ANKRD11: variants seen among roughly 807,000 people sequenced by gnomAD.
ANKRD11 encodes ankyrin repeat domain 11, also known as ankyrin repeat domain-containing protein 11.
A neutral mutation model predicts 195.7 loss-of-function variants in ANKRD11; 17 were observed. The observed-to-expected ratio is 0.09, with a 90% CI of 0.06 to 0.13. ANKRD11 has a LOEUF of 0.13. Ranked by LOEUF, ANKRD11 falls within the 10% of genes least tolerant of loss-of-function variation. ANKRD11 has a pLI of 1.00. For synonymous variants in ANKRD11, 1,953 were observed against 1,528.1 expected (o/e 1.28, Z -6.49); for missense variants, 3,735 against 3,566.1 (o/e 1.05, Z -1.21).
In ANKRD11 at chr16:89,283,000, G is replaced by T; in HGVS notation, c.3542C>A (p.Pro1181His). 6.2e-7 allele frequency: 1 copy of T among 1,613,452 alleles called. No individual in the cohort carries two copies. The highest frequency in any genetic ancestry group is 8.5e-7 in the Non-Finnish European group (1 of 1,179,962). ...QHPERQKDKEPRDRRKDRGAA... is the reference protein window; with the variant it reads ...QHPERQKDKEHRDRRKDRGAA... Reference sequence around the variant, plus strand: ...CCCTCGGTCCTTTCTCCTGTCTCTGGGCTCCTTGTCCTTCTGCCTCTCAGG... The same window carrying T: ...CCCTCGGTCCTTTCTCCTGTCTCTGTGCTCCTTGTCCTTCTGCCTCTCAGG... The change falls in exon 9 of 13, where the codon CCC becomes CAC. Residue 1181 changes from proline (P) to histidine (H), a missense_variant. Physicochemically the swap from Pro to His is moderately conservative, Grantham distance 77 (BLOSUM62 -2). Coordinates refer to ENST00000301030, the MANE Select transcript of ANKRD11 (RefSeq NM_013275.6).
chr16:89,386,722 T>A (rs1348947554), intron 2 of ANKRD11, among the ~76,000 whole-genome samples: 1 of 152,206 alleles, frequency 6.6e-6, no homozygotes, highest in Non-Finnish European at 1.5e-5. Flanking sequence ...TCAAGTTTTT[T>A]ATTAAAACCA....
intron 2 of ANKRD11, among the ~76,000 whole-genome samples, chr16:89,406,975 A>T (rs2041931386): frequency 6.6e-6 from 1 of 152,188 alleles, no homozygotes; most frequent in South Asian, 2.1e-4. Flanking sequence ...ACTTGAGGTC[A>T]GGAGTTTGAG....
chr16:89,478,854 G>A (rs2057345668), intron 1 of ANKRD11, among the ~76,000 whole-genome samples: 1 of 152,212 alleles, frequency 6.6e-6, no homozygotes, highest in African/African-American at 2.4e-5. Flanking sequence ...ATTTCTCAAG[G>A]ATGAGGTAAT....
chr16:89,324,125 A>C, intron 2 of ANKRD11: 1 of 783,144 alleles, frequency 1.3e-6, no homozygotes, highest in Non-Finnish European at 1.7e-6. Flanking sequence ...GCCCCACGGC[A>C]CAACGCTCTC....
intron 1 of ANKRD11, among the ~76,000 whole-genome samples, chr16:89,481,040 C>G (rs1310354685): frequency 6.6e-6 from 1 of 152,174 alleles, no homozygotes; most frequent in African/African-American, 2.4e-5. Context: ...TCTGCCCCAC[C>G]ACCCCGTTCC....
At chr16:89,277,662 A>G (rs996036725) in intron 9 of ANKRD11, 5 of 152,262 alleles carry the variant, frequency 3.3e-5, no homozygotes, top group Admixed American at 1.3e-4. Context: ...GGCTGGGGTC[A>G]GGCTCGCGGG....
In ANKRD11 at chr16:89,433,341, A is replaced by C. The variant is rs184461623; in HGVS notation, c.-144-14973T>G. 1.1e-4 allele frequency among the ~76,000 whole-genome samples: 17 copies of C among 152,362 alleles called. No homozygotes were observed. The East Asian group carries it at 3.3e-3, about 29-fold the overall frequency. On this transcript the variant is annotated intron_variant, in intron 1 of 12. Transcript: ENST00000301030. ...CAAGTTAATTAGTCCATTTCTAGGA[A>C]GAAAGTGTCCGTTGTCTCCTCTGCA...
In ANKRD11 at chr16:89,281,714, T is replaced by G; in HGVS notation, c.4828A>C (p.Lys1610Gln). Reference sequence around the variant, plus strand: ...GGGTCTCCGGACCGGTGCCTCAGCTTCTCCATTTGCTTCATCCTCTCCTTG... The same window carrying G: ...GGGTCTCCGGACCGGTGCCTCAGCTGCTCCATTTGCTTCATCCTCTCCTTG... ...RHKERMKQME[K>Q]LRHRSGDPKL... The change falls in exon 9 of 13, where the codon AAG becomes CAG. Residue 1610 changes from lysine to glutamine, a missense_variant. Transcript: ENST00000301030. This position sits in a 1 kb window ranked among gnomAD's most constrained non-coding sequence, Gnocchi z 5.5. 1 of 1,614,092 alleles carries G rather than the reference T, an allele frequency of 6.2e-7. No individual in the cohort carries two copies.
intron 1 of ANKRD11, among the ~76,000 whole-genome samples, chr16:89,469,395 T>C (rs544039798): frequency 4.0e-4 from 61 of 152,122 alleles, no homozygotes; most frequent in Non-Finnish European, 7.9e-4. Flanking sequence ...CTAATTTTTT[T>C]GCATTTCAGT....
In ANKRD11 at chr16:89,463,683, TA is replaced by T. The variant is rs1235213947; in HGVS notation, c.-145+26561del. Among the ~76,000 whole-genome samples the T allele has an allele frequency of 4.0e-3, 550 of 136,148 alleles. 1 individual carries two copies. Among genetic ancestry groups the T allele is most frequent in the East Asian group, 0.016 (75 of 4,830 alleles). The allele number at this position is 136,148 out of a possible 152,430, so 89.3% of individuals were successfully genotyped here. ...AATTATCAATAAAAAATAAATAAAT[TA>T]AAAAAAAAAAAAGCCTCACACTGGA... On this transcript the variant is annotated intron_variant, in intron 1 of 12. Transcript: ENST00000301030.
chr16:89,298,446 C>T (rs1361142656), intron 4 of ANKRD11: 5 of 152,356 alleles, frequency 3.3e-5, no homozygotes, highest in Admixed American at 3.3e-4. Flanking sequence ...CACAGCAGAG[C>T]TTTATGGATG....
chr16:89,341,653 T>A (rs1428656332), intron 2 of ANKRD11, among the ~76,000 whole-genome samples: 1 of 152,356 alleles, frequency 6.6e-6, no homozygotes, highest in East Asian at 1.9e-4. Context: ...CTGGGAGCAA[T>A]GCCACGTATG....
chr16:89,313,035 A>T (rs887576035), intron 3 of ANKRD11, among the ~76,000 whole-genome samples: 3 of 152,072 alleles, frequency 2.0e-5, no homozygotes, highest in Non-Finnish European at 4.4e-5. Context: ...TGCAGCCTCC[A>T]TGCCCATGGA....
chr16:89,432,974 CTCTCT>C (rs1567798460), intron 1 of ANKRD11, among the ~76,000 whole-genome samples: 19 of 149,002 alleles, frequency 1.3e-4, no homozygotes, highest in African/African-American at 4.8e-4. Context: ...CTCTCTCTCT[CTCTCT>C]CTCTCTCTCT....
chr16:89,325,413 G>A (rs1039462471), intron 2 of ANKRD11, among the ~76,000 whole-genome samples: 7 of 151,484 alleles, frequency 4.6e-5, no homozygotes, highest in South Asian at 4.2e-4. Flanking sequence ...ACTCCAGCCC[G>A]GGCGTCAGAG....
In ANKRD11 at chr16:89,465,930, T is replaced by C. The variant is rs538736317; in HGVS notation, c.-145+24315A>G. Among the ~76,000 whole-genome samples the C allele has an allele frequency of 2.6e-5, 4 of 152,284 alleles. No individual in the cohort carries two copies. The South Asian group carries it at 8.3e-4, about 32-fold the overall frequency. On this transcript the variant is annotated intron_variant, in intron 1 of 12. Coordinates refer to ENST00000301030, the MANE Select transcript of ANKRD11 (RefSeq NM_013275.6). The stretch of plus-strand genomic sequence containing the variant: ...TTTCACCGTGTTAGCCAGGATGGTC[T>C]TGATCTCCTGACCTCATGATCTGCC...
chr16:89,365,826 C>T (rs1038327347), intron 2 of ANKRD11, among the ~76,000 whole-genome samples: 2 of 152,088 alleles, frequency 1.3e-5, no homozygotes. Context: ...AAGCCCAGTA[C>T]CCAACAGTTA....
Position 89,281,613 on chromosome 16 carries a change from C to A in ANKRD11, c.4929G>T (p.Pro1643=). 1 of 1,614,164 alleles carries A rather than the reference C, an allele frequency of 6.2e-7. No individual in the cohort carries two copies. The highest frequency in any genetic ancestry group is 8.5e-7 in the Non-Finnish European group (1 of 1,180,014). Residue 1643 remains proline (P), a synonymous_variant, in exon 9 of 13, where the codon CCG becomes CCT. Coordinates refer to ENST00000301030, the MANE Select transcript of ANKRD11 (RefSeq NM_013275.6). This position sits in a 1 kb window ranked among gnomAD's most constrained non-coding sequence, Gnocchi z 5.5. ...KGLDIPAKKP[P]GLDPPFKDKK... ...TGTCTTTAAATGGAGGGTCCAGCCC[C>A]GGCGGTTTCTTAGCAGGAATGTCCA... is the stretch of plus-strand genomic sequence containing the variant.
intron 2 of ANKRD11, among the ~76,000 whole-genome samples, chr16:89,319,106 C>T (rs1665623151): frequency 6.6e-6 from 1 of 152,238 alleles, no homozygotes; most frequent in Admixed American, 6.5e-5. Flanking sequence ...AGACTGTCTG[C>T]TCTCAGGACG....
Sources: gnomAD v4.1 joint callset for allele counts (sites outside exome capture counted in the v4.1 genomes callset) on GRCh38, gnomAD v4.1.1 for gene constraint, Gnocchi (gnomAD v3.1) non-coding constraint, MANE v1.5 for transcripts, NCBI Gene and HGNC (gene_info 2026-07-23, HGNC 2026-07-21) for gene names.